Variants in HPSE2 observed in about 807,000 individuals in gnomAD.
HPSE2 encodes inactive heparanase-2.
Under a neutral mutation model 60.5 loss-of-function variants are expected in HPSE2, and 38 were observed. The ratio of observed to expected loss-of-function variants is 0.63; its 90% CI spans 0.48 to 0.82. HPSE2 has a LOEUF of 0.82. HPSE2 is among the 40% of genes least tolerant of loss of function. The pLI, the probability that HPSE2 is intolerant of heterozygous loss-of-function variation, is 0.00. For missense variants in HPSE2, 713 were observed against 740.4 expected (o/e 0.96, Z 0.43); for synonymous variants, 295 against 293.2 (o/e 1.01, Z -0.06).
chr10:99,073,133 C>T (rs1842851176), intron 3 of HPSE2, among the ~76,000 whole-genome samples: 1 of 151,764 alleles, frequency 6.6e-6, no homozygotes, highest in African/African-American at 2.4e-5. Flanking sequence ...GGGTATATAC[C>T]CAAAGGAATA....
chr10:98,754,985 A>G (rs113639151), intron 3 of HPSE2, among the ~76,000 whole-genome samples: 2,717 of 122,348 alleles, frequency 0.022, 29 homozygotes, highest in Non-Finnish European at 0.038. Context: ...CATAAACACC[A>G]GCTAATAACA....
At chr10:98,630,436 A>G (rs950852975) in intron 7 of HPSE2, among the ~76,000 whole-genome samples, 1 of 152,018 alleles carries the variant, frequency 6.6e-6, no homozygotes, top group Non-Finnish European at 1.5e-5. Flanking sequence ...TGACCTCATG[A>G]TCCGCCCGCC....
chr10:98,481,424 A>C (rs2133642272), intron 11 of HPSE2, among the ~76,000 whole-genome samples: 1 of 152,332 alleles, frequency 6.6e-6, no homozygotes, highest in East Asian at 1.9e-4. Context: ...CCTGCCTAGG[A>C]TGAAGGCCAG....
intron 2 of HPSE2, among the ~76,000 whole-genome samples, chr10:99,228,056 C>T (rs963916924): frequency 5.9e-5 from 9 of 151,894 alleles, no homozygotes; most frequent in Non-Finnish European, 1.3e-4. Flanking sequence ...GGAACATTTG[C>T]AATGGGCCTT....
At chr10:99,053,560 G>A (rs996790091) in intron 3 of HPSE2, among the ~76,000 whole-genome samples, 3 of 152,014 alleles carry the variant, frequency 2.0e-5, no homozygotes, top group Admixed American at 1.3e-4. Context: ...CCTGACATAA[G>A]CAACTATAAA....
chr10:98,990,746 T>C lies in HPSE2; in HGVS notation c.610+153492A>G, dbSNP rs1956503538. Among the ~76,000 whole-genome samples, 3 of 152,200 alleles carry C rather than the reference T, an allele frequency of 2.0e-5. No individual in the cohort carries two copies. The South Asian group carries it at 6.2e-4, about 32-fold the overall frequency. On this transcript the variant is annotated intron_variant, in intron 3 of 11. Coordinates refer to ENST00000370552, the MANE Select transcript of HPSE2 (RefSeq NM_021828.5). ...TAGCCAAGCTTAGATCCTGGAGCTC[T>C]AGCAACAGGGACATTGGAGACATTG...
intron 4 of HPSE2, among the ~76,000 whole-genome samples, chr10:98,738,053 G>T (rs1949402947): frequency 1.3e-5 from 2 of 152,124 alleles, no homozygotes; most frequent in South Asian, 4.2e-4. Context: ...AACAAAGCTG[G>T]AGGCATCACA....
chr10:98,894,433 C>T (rs1438546727), intron 3 of HPSE2, among the ~76,000 whole-genome samples: 1 of 151,818 alleles, frequency 6.6e-6, no homozygotes, highest in Non-Finnish European at 1.5e-5. Flanking sequence ...ACAGAACTTC[C>T]AGAAGTGAAA....
At chr10:98,987,178 G>T (rs1372422491) in intron 3 of HPSE2, among the ~76,000 whole-genome samples, 3 of 151,936 alleles carry the variant, frequency 2.0e-5, no homozygotes, top group Non-Finnish European at 4.4e-5. Flanking sequence ...AAGCCTGGCA[G>T]AGAGACAACA....
rs181771271 is a variant in HPSE2, at chr10:98,804,543, T to C, written c.611-60487A>G. Among the ~76,000 whole-genome samples, 177 of 152,194 alleles carry C rather than the reference T, an allele frequency of 1.2e-3. 3 individuals are homozygous for C. The highest frequency in any genetic ancestry group is 3.9e-3 in the African/African-American group (164 of 41,536). On this transcript the variant is annotated intron_variant, in intron 3 of 11. Transcript: ENST00000370552. ...GCACATGAAATGGGGCTCAACATCATTGATCATCAGAGAAATGCAAATGAA... is the reference window on the plus strand; with the variant it reads ...GCACATGAAATGGGGCTCAACATCACTGATCATCAGAGAAATGCAAATGAA...
At chr10:99,187,698 A>G (rs1216312649) in intron 2 of HPSE2, among the ~76,000 whole-genome samples, 3 of 152,226 alleles carry the variant, frequency 2.0e-5, no homozygotes, top group Non-Finnish European at 4.4e-5. Context: ...ACTACTGAAT[A>G]CTCACTAGAA....
intron 7 of HPSE2, among the ~76,000 whole-genome samples, chr10:98,632,936 T>C (rs1354625431): frequency 6.6e-6 from 1 of 152,180 alleles, no homozygotes. Context: ...GGGTTTGAAC[T>C]GTGCAAGTTC....
chr10:98,513,829 C>G (rs573327487), intron 9 of HPSE2, among the ~76,000 whole-genome samples: 116 of 152,244 alleles, frequency 7.6e-4, no homozygotes, highest in African/African-American at 2.6e-3. Flanking sequence ...GGTACAGCCA[C>G]TAGGTAAAAG....
At chr10:99,157,031 A>G (rs1375473179) in intron 2 of HPSE2, among the ~76,000 whole-genome samples, 1 of 114,944 alleles carries the variant, frequency 8.7e-6, no homozygotes, top group East Asian at 2.6e-4. Flanking sequence ...ATACCTAGGA[A>G]TCCAACTTAC....
intron 6 of HPSE2, among the ~76,000 whole-genome samples, chr10:98,648,576 T>C (rs1946836454): frequency 6.6e-6 from 1 of 151,924 alleles, no homozygotes; most frequent in African/African-American, 2.4e-5. Flanking sequence ...GGCCAAGAGT[T>C]TGAGACCAGC....
At chr10:98,851,967 C>A (rs1216273435) in intron 3 of HPSE2, among the ~76,000 whole-genome samples, 1 of 147,942 alleles carries the variant, frequency 6.8e-6, no homozygotes, top group African/African-American at 2.5e-5. Context: ...TTAAAAATGA[C>A]TTTCAAATTT....
At chr10:98,788,501 T>C (rs950794896) in intron 3 of HPSE2, among the ~76,000 whole-genome samples, 25 of 144,178 alleles carry the variant, frequency 1.7e-4, no homozygotes, top group African/African-American at 6.4e-4. Context: ...CTGCTTTGTT[T>C]ACGTAAGCAA....
chr10:98,794,709 A>C (rs981837991), intron 3 of HPSE2, among the ~76,000 whole-genome samples: 1 of 152,116 alleles, frequency 6.6e-6, no homozygotes. Context: ...ACGTTATAAA[A>C]AAGTTATCCT....
At chr10:98,625,188 C>T (rs954824110) in intron 7 of HPSE2, among the ~76,000 whole-genome samples, 1 of 152,212 alleles carries the variant, frequency 6.6e-6, no homozygotes, top group Non-Finnish European at 1.5e-5. Flanking sequence ...AGTCATGTGA[C>T]CTGATAAAGG....
Sources: allele counts gnomAD v4.1 joint callset (sites outside exome capture counted in the v4.1 genomes callset), GRCh38; gene constraint gnomAD v4.1.1; transcripts MANE v1.5; gene names NCBI Gene and HGNC (gene_info 2026-07-23, HGNC 2026-07-21).